ANKIB1: variants seen among roughly 807,000 people sequenced by gnomAD.
ANKIB1 encodes the protein ankyrin repeat and IBR domain containing 1, also known as ankyrin repeat and IBR domain-containing protein 1.
Under a neutral mutation model 122.1 loss-of-function variants are expected in ANKIB1, and 43 were observed. The ratio of observed to expected loss-of-function variants is 0.35; its 90% CI spans 0.28 to 0.45. ANKIB1 has a LOEUF of 0.45. Ranked by LOEUF, ANKIB1 falls within the 20% of genes least tolerant of loss-of-function variation. The pLI, the probability that ANKIB1 is intolerant of heterozygous loss-of-function variation, is 1.00. For synonymous variants in ANKIB1, 390 were observed against 442.0 expected (o/e 0.88, Z 1.48); for missense variants, 992 against 1,329.5 (o/e 0.75, Z 3.95).
chr7:92,386,469 T>G (rs778320363), intron 11 of ANKIB1, 40 bp from the exon 12 acceptor site: 5 of 1,527,020 alleles, frequency 3.3e-6, no homozygotes, highest in Admixed American at 2.2e-5. Context: ...ATTTGCATAT[T>G]AATATGGGGA....
At chr7:92,304,896 A>G (rs1802527556) in intron 2 of ANKIB1, among the ~76,000 whole-genome samples, 1 of 152,200 alleles carries the variant, frequency 6.6e-6, no homozygotes, top group Non-Finnish European at 1.5e-5. Context: ...CCCTAAGCAA[A>G]TGTTAGAATT....
intron 5 of ANKIB1, among the ~76,000 whole-genome samples, chr7:92,328,503 A>G (rs890611383): frequency 2.6e-5 from 4 of 152,134 alleles, no homozygotes; most frequent in Non-Finnish European, 5.9e-5. Flanking sequence ...TAAGTTCCCT[A>G]TAATCCTTAT....
At chr7:92,281,491 A>G (rs879713988) in intron 1 of ANKIB1, among the ~76,000 whole-genome samples, 1 of 152,210 alleles carries the variant, frequency 6.6e-6, no homozygotes, top group Non-Finnish European at 1.5e-5. Context: ...TCTTTTCCAT[A>G]TAATAAAGTA....
At chr7:92,342,490 A>G (rs1184993605) in intron 5 of ANKIB1, among the ~76,000 whole-genome samples, 1 of 152,188 alleles carries the variant, frequency 6.6e-6, no homozygotes, top group Non-Finnish European at 1.5e-5. Flanking sequence ...TATAGAATTT[A>G]TACCTAATTC....
intron 10 of ANKIB1, among the ~76,000 whole-genome samples, chr7:92,362,554 C>A (rs1803975492): frequency 6.6e-6 from 1 of 152,066 alleles, no homozygotes; most frequent in African/African-American, 2.4e-5. Flanking sequence ...CTCCTATAGC[C>A]CTTTTCTTTT....
At chr7:92,395,091 G>A (rs1016891667) in intron 17 of ANKIB1, among the ~76,000 whole-genome samples, 38 of 152,042 alleles carry the variant, frequency 2.5e-4, no homozygotes, top group African/African-American at 9.2e-4. Context: ...TTTTATGTTG[G>A]TATCATGTAC....
rs1453590468 is a variant in ANKIB1, at chr7:92,399,091, T to G, written c.*142T>G. 1.2e-6 allele frequency: 1 copy of G among 852,852 alleles called. No individual in the cohort carries two copies. The highest frequency in any genetic ancestry group is 3.8e-5 in the Admixed American group (1 of 26,004). 52.8% of individuals were successfully genotyped at this position (852,852 alleles called of 1,614,324 possible). A position where few individuals can be genotyped will look rare whatever the true frequency, so the allele number is the denominator to read the frequency against. On this transcript the variant is annotated 3_prime_UTR_variant, in exon 20 of 20. Transcript: ENST00000265742. ...AGGGTTGAATACAGAGAAGTTCCCT[T>G]GAATGGTAGCTTCATTTTTTATTTT...
intron 9 of ANKIB1, among the ~76,000 whole-genome samples, chr7:92,356,557 A>G (rs62467842): frequency 0.096 from 14,571 of 152,270 alleles, 881 homozygotes; most frequent in Middle Eastern, 0.22. Flanking sequence ...CAATTTATCA[A>G]ATTTCAACAC....
chr7:92,256,878 G>A lies in ANKIB1; in HGVS notation c.-91+10359G>A, dbSNP rs149870191. Among the ~76,000 whole-genome samples the A allele has an allele frequency of 2.9e-3, 445 of 152,298 alleles. 2 individuals are homozygous for A. Among genetic ancestry groups the A allele is most frequent in the Non-Finnish European group, 5.0e-3 (338 of 68,024 alleles). The stretch of plus-strand genomic sequence containing the variant: ...ATGGAATATAACCAGAAAAATAAAT[G>A]TTGGGTTAGAAAAATTGTCACAAGG... On this transcript the variant is annotated intron_variant, in intron 1 of 19. Coordinates refer to ENST00000265742, the MANE Select transcript of ANKIB1 (RefSeq NM_019004.2).
At chr7:92,356,491 CAT>C (rs1252299187) in intron 9 of ANKIB1, among the ~76,000 whole-genome samples, 1 of 152,140 alleles carries the variant, frequency 6.6e-6, no homozygotes, top group African/African-American at 2.4e-5. Context: ...ATTTAAATAT[CAT>C]GTGTACTCTC....
At chr7:92,371,726 C>T (rs1394344920) in intron 11 of ANKIB1, 119 bp downstream of exon 11, 2 of 1,184,570 alleles carry the variant, frequency 1.7e-6, no homozygotes, top group East Asian at 5.2e-5. Flanking sequence ...GCCTATAATC[C>T]CAGCACTTCA....
At chr7:92,253,178 GCTTT>G (rs1458323321) in intron 1 of ANKIB1, among the ~76,000 whole-genome samples, 2 of 152,114 alleles carry the variant, frequency 1.3e-5, no homozygotes, top group Non-Finnish European at 2.9e-5. Flanking sequence ...GTTTTTCCTA[GCTTT>G]CTCCCTTGAA....
chr7:92,354,053 T>C (rs886752310), intron 9 of ANKIB1, among the ~76,000 whole-genome samples: 1 of 152,204 alleles, frequency 6.6e-6, no homozygotes, highest in African/African-American at 2.4e-5. Flanking sequence ...AGCACTGTGG[T>C]TTCTGTGATC....
At chr7:92,336,651 C>A (rs913654251) in intron 5 of ANKIB1, among the ~76,000 whole-genome samples, 1 of 152,084 alleles carries the variant, frequency 6.6e-6, no homozygotes, top group African/African-American at 2.4e-5. Flanking sequence ...AGGATATCCT[C>A]CCTCATGTCC....
intron 2 of ANKIB1, among the ~76,000 whole-genome samples, chr7:92,298,636 A>T (rs1304966738): frequency 6.6e-6 from 1 of 152,100 alleles, no homozygotes; most frequent in East Asian, 1.9e-4. Context: ...TGCCTTTTAT[A>T]CTGTGTTGGC....
intron 2 of ANKIB1, among the ~76,000 whole-genome samples, chr7:92,296,514 T>C (rs774137536): frequency 3.5e-4 from 53 of 152,176 alleles, no homozygotes; most frequent in Admixed American, 1.6e-3. Context: ...AATTTTGCTC[T>C]TCAAGATCCT....
chr7:92,370,508 CAAAAAA>C (rs34318038), intron 10 of ANKIB1, among the ~76,000 whole-genome samples: 25 of 32,986 alleles, frequency 7.6e-4, no homozygotes, highest in African/African-American at 1.2e-3. Context: ...ACTCTTGTCT[CAAAAAA>C]AAAAAAAAAA....
At chr7:92,397,702 G>C (rs755583859) in intron 18 of ANKIB1, 21 bp from the exon 19 acceptor site, 7 of 1,608,040 alleles carry the variant, frequency 4.4e-6, no homozygotes, top group Non-Finnish European at 4.2e-6. Flanking sequence ...ATTGTCTTTG[G>C]TACCAATTGC....
chr7:92,344,863 C>T lies in ANKIB1; in HGVS notation c.997-115C>T, dbSNP rs940646851. On this transcript the variant is annotated intron_variant, in intron 6 of 19. Transcript: ENST00000265742. The stretch of plus-strand genomic sequence containing the variant: ...TTAAAACTTTGAAAGAGGTAACTTT[C>T]AAAAACTTTTAATTACTGTACTAGT... The T allele has an allele frequency of 1.2e-4, 92 of 760,592 alleles. No individual in the cohort carries two copies. In the Admixed American group the frequency reaches 2.3e-3, roughly 19 times the overall value. The allele number at this position is 760,592 out of a possible 1,614,324, so 47.1% of individuals were successfully genotyped here.
Sources: gnomAD v4.1 joint callset for allele counts (sites outside exome capture counted in the v4.1 genomes callset) on GRCh38, gnomAD v4.1.1 for gene constraint, MANE v1.5 for transcripts, NCBI Gene and HGNC (gene_info 2026-07-23, HGNC 2026-07-21) for gene names.